The following LIPC variants were observed in gnomAD, a reference collection of about 807,000 sequenced individuals.
LIPC encodes hepatic triacylglycerol lipase.
LIPC carries 44 observed loss-of-function variants against 50.7 expected under a neutral mutation model. The observed-to-expected ratio is 0.87, with a 90% CI of 0.68 to 1.11. The LOEUF is 1.11. LIPC is among the 50% of genes most tolerant of loss of function. LIPC has a pLI of 0.00. For missense variants in LIPC, 697 were observed against 648.2 expected (o/e 1.08, Z -0.82); for synonymous variants, 271 against 256.4 (o/e 1.06, Z -0.54).
rs148980827 is a variant in LIPC, at chr15:58,518,527, G to A, written c.89-19806G>A. On this transcript the variant is annotated intron_variant, in intron 1 of 8. Transcript: ENST00000299022. ...TCTGAACTTAACCTTCTGTGTTCTC[G>A]CTCCACTCCTTCAGGCTCAGTCAGC... 1.5e-3 allele frequency among the ~76,000 whole-genome samples: 227 copies of A among 152,214 alleles called. 1 individual carries two copies. The highest frequency in any genetic ancestry group is 5.2e-3 in the African/African-American group (218 of 41,524).
chr15:58,560,276 A>T (rs1894112910), intron 6 of LIPC, among the ~76,000 whole-genome samples: 1 of 152,202 alleles, frequency 6.6e-6, no homozygotes, highest in South Asian at 2.1e-4. Flanking sequence ...TTTAGGCCCA[A>T]GTTCTAGAAC....
intron 6 of LIPC, among the ~76,000 whole-genome samples, chr15:58,550,620 T>A (rs1356903517): frequency 3.3e-5 from 5 of 152,108 alleles, no homozygotes; most frequent in African/African-American, 9.7e-5. Context: ...GGGGGCTCGG[T>A]GGAGACTAAC....
At chr15:58,495,900 C>T (rs573316135) in intron 1 of LIPC, among the ~76,000 whole-genome samples, 29 of 152,350 alleles carry the variant, frequency 1.9e-4, no homozygotes, top group African/African-American at 7.0e-4. Flanking sequence ...CTTTCCAGAA[C>T]ATATGCTCTG....
At chr15:58,547,101 T>G (rs563545006) in intron 5 of LIPC, among the ~76,000 whole-genome samples, 2 of 152,300 alleles carry the variant, frequency 1.3e-5, no homozygotes, top group Admixed American at 6.5e-5. Flanking sequence ...TGACCAATCA[T>G]TACCATTTGC....
At chr15:58,519,110 T>G (rs1191046399) in intron 1 of LIPC, among the ~76,000 whole-genome samples, 1 of 152,138 alleles carries the variant, frequency 6.6e-6, no homozygotes, top group African/African-American at 2.4e-5. Flanking sequence ...TCATTATAAT[T>G]AACAGAACTA....
At chr15:58,518,307 T>C (rs1439785978) in intron 1 of LIPC, among the ~76,000 whole-genome samples, 2 of 152,164 alleles carry the variant, frequency 1.3e-5, no homozygotes, top group Admixed American at 6.5e-5. Flanking sequence ...ACCACTGCCC[T>C]AAATGATGCC....
intron 1 of LIPC, among the ~76,000 whole-genome samples, chr15:58,446,078 G>A (rs1893685343): frequency 6.6e-6 from 1 of 152,158 alleles, no homozygotes; most frequent in Non-Finnish European, 1.5e-5. Context: ...ATTTATATGT[G>A]TGTGACTTGT....
intron 1 of LIPC, among the ~76,000 whole-genome samples, chr15:58,502,215 C>T (rs754617513): frequency 3.7e-4 from 56 of 152,120 alleles, no homozygotes; most frequent in Non-Finnish European, 7.1e-4. Flanking sequence ...TCCCCAGATG[C>T]CCCCTCACCA....
intron 1 of LIPC, among the ~76,000 whole-genome samples, chr15:58,461,284 A>G (rs1273162718): frequency 6.6e-6 from 1 of 152,254 alleles, no homozygotes; most frequent in Non-Finnish European, 1.5e-5. Flanking sequence ...TGCAGGAATT[A>G]TCATTGCTCC....
intron 1 of LIPC, among the ~76,000 whole-genome samples, chr15:58,501,642 G>A (rs201254274): frequency 2.6e-5 from 4 of 152,076 alleles, no homozygotes; most frequent in South Asian, 2.1e-4. Context: ...ACAAGGAAGA[G>A]TACATTAACT....
intron 4 of LIPC, among the ~76,000 whole-genome samples, chr15:58,545,533 GC>G (rs533466508): frequency 1.2e-3 from 185 of 152,320 alleles, no homozygotes; most frequent in Non-Finnish European, 2.3e-3. Flanking sequence ...GCTAGCTAAT[GC>G]CCAGCCTGTG....
intron 7 of LIPC, among the ~76,000 whole-genome samples, chr15:58,563,055 C>A (rs1168883725): frequency 1.3e-5 from 2 of 152,128 alleles, no homozygotes; most frequent in Non-Finnish European, 2.9e-5. Context: ...TACTGTTATG[C>A]CTCACTGTTT....
intron 1 of LIPC, among the ~76,000 whole-genome samples, chr15:58,531,843 G>C (rs1892970214): frequency 6.6e-6 from 1 of 152,070 alleles, no homozygotes; most frequent in South Asian, 2.1e-4. Flanking sequence ...TATTTGTAAA[G>C]AATAGCTAGA....
Position 58,548,413 on chromosome 15 carries a change from A to C in LIPC, c.892A>C (p.Met298Leu). 6.2e-7 allele frequency: 1 copy of C among 1,614,148 alleles called. No homozygotes were observed. Among genetic ancestry groups the C allele is most frequent in the Non-Finnish European group, 8.5e-7 (1 of 1,180,040 alleles). The stretch of plus-strand genomic sequence containing the variant: ...CTTGCTGCACGCCGGCACGCAGAGC[A>C]TGGCCTACCCGTGTGGTGACATGAA... ...DSLLHAGTQSMAYPCGDMNSF... is the reference protein window; with the variant it reads ...DSLLHAGTQSLAYPCGDMNSF... The change falls in exon 6 of 9, where the codon ATG becomes CTG. Residue 298 changes from methionine (M) to leucine (L), a missense_variant. By Grantham distance (15) the Met-to-Leu change is conservative. Transcript: ENST00000299022.
intron 1 of LIPC, among the ~76,000 whole-genome samples, chr15:58,475,333 GATCTGTCAAAAGA>G (rs1365703316): frequency 6.6e-6 from 1 of 152,194 alleles, no homozygotes; most frequent in Non-Finnish European, 1.5e-5. Context: ...CCCTGCTCAA[GATCTGTCAAAAGA>G]TTCTGTGGCC....
intron 1 of LIPC, among the ~76,000 whole-genome samples, chr15:58,530,176 T>C (rs1392845633): frequency 6.6e-6 from 1 of 152,186 alleles, no homozygotes; most frequent in Admixed American, 6.5e-5. Context: ...GCGCCTTGTG[T>C]TTCTAACCCT....
intron 1 of LIPC, among the ~76,000 whole-genome samples, chr15:58,482,776 G>A (rs1353446919): frequency 6.6e-6 from 1 of 152,174 alleles, no homozygotes; most frequent in Non-Finnish European, 1.5e-5. Context: ...AAACCTTAAG[G>A]AGCTCATGAT....
At chr15:58,451,644 G>C (rs1893902266) in intron 1 of LIPC, among the ~76,000 whole-genome samples, 1 of 152,176 alleles carries the variant, frequency 6.6e-6, no homozygotes, top group Non-Finnish European at 1.5e-5. Flanking sequence ...CCACCACTTG[G>C]ATAGGATCAA....
At chr15:58,524,971 G>C (rs1892759380) in intron 1 of LIPC, among the ~76,000 whole-genome samples, 1 of 150,966 alleles carries the variant, frequency 6.6e-6, no homozygotes, top group African/African-American at 2.4e-5. Context: ...TCTGAATTTT[G>C]AATCACAGAG....
Sources: gnomAD v4.1 joint callset for allele counts (sites outside exome capture counted in the v4.1 genomes callset) on GRCh38, gnomAD v4.1.1 for gene constraint, MANE v1.5 for transcripts, NCBI Gene and HGNC (gene_info 2026-07-23, HGNC 2026-07-21) for gene names.